Variants in SYNDIG1 observed in about 807,000 individuals in gnomAD.
The protein encoded by SYNDIG1 is synapse differentiation inducing 1.
A neutral mutation model predicts 19.4 loss-of-function variants in SYNDIG1; 9 were observed. The observed-to-expected ratio is 0.46, with a 90% CI of 0.28 to 0.81. SYNDIG1 has a LOEUF of 0.81. SYNDIG1 is among the 30% of genes least tolerant of loss of function. The pLI, the probability that SYNDIG1 is intolerant of heterozygous loss-of-function variation, is 0.12. For synonymous variants in SYNDIG1, 141 were observed against 145.9 expected, an observed-to-expected ratio of 0.97 and a Z score of 0.24; for missense variants, 311 against 343.3, an observed-to-expected ratio of 0.91 and a Z score of 0.74.
At chr20:24,537,093 A>G (rs1056925790) in intron 1 of SYNDIG1, among the ~76,000 whole-genome samples, 3 of 151,944 alleles carry the variant, frequency 2.0e-5, no homozygotes, top group Non-Finnish European at 2.9e-5. Flanking sequence ...CCACATGCCT[A>G]TTGCTTACTA....
chr20:24,525,189 G>A (rs1401025386), intron 1 of SYNDIG1, among the ~76,000 whole-genome samples: 1 of 151,380 alleles, frequency 6.6e-6, no homozygotes, highest in African/African-American at 2.4e-5. Flanking sequence ...AAATGAACGT[G>A]GTTTTTATTA....
intron 2 of SYNDIG1, among the ~76,000 whole-genome samples, chr20:24,580,154 C>A (rs1399062588): frequency 6.6e-6 from 1 of 152,196 alleles, no homozygotes; most frequent in African/African-American, 2.4e-5. Context: ...TTAAATGACT[C>A]ATGAAGAGGA....
chr20:24,535,981 T>C (rs2057354203), intron 1 of SYNDIG1, among the ~76,000 whole-genome samples: 1 of 152,224 alleles, frequency 6.6e-6, no homozygotes. Context: ...ACACACATGT[T>C]TGAGGATTCA....
chr20:24,594,650 A>G (rs190557159), intron 3 of SYNDIG1, among the ~76,000 whole-genome samples: 7 of 152,282 alleles, frequency 4.6e-5, no homozygotes, highest in Admixed American at 2.0e-4. Flanking sequence ...GATTCTTCCT[A>G]TCCATGAGCA....
chr20:24,569,213 A>G (rs1449524214), intron 2 of SYNDIG1, among the ~76,000 whole-genome samples: 1 of 152,206 alleles, frequency 6.6e-6, no homozygotes, highest in African/African-American at 2.4e-5. Flanking sequence ...GAATTTCTGT[A>G]TGTGACCAAA....
intron 1 of SYNDIG1, among the ~76,000 whole-genome samples, chr20:24,498,145 A>C (rs770686872): frequency 1.4e-4 from 21 of 152,252 alleles, no homozygotes; most frequent in Non-Finnish European, 2.8e-4. Flanking sequence ...ACTGACACAC[A>C]AAAAGCTGTG....
At chr20:24,586,478 A>G (rs2058419724) in intron 3 of SYNDIG1, among the ~76,000 whole-genome samples, 1 of 152,300 alleles carries the variant, frequency 6.6e-6, no homozygotes, top group East Asian at 1.9e-4. Flanking sequence ...TGGGACACAC[A>G]GGAGCTGGAG....
At chr20:24,476,021 C>T (rs1408499114) in intron 1 of SYNDIG1, among the ~76,000 whole-genome samples, 2 of 152,024 alleles carry the variant, frequency 1.3e-5, no homozygotes, top group South Asian at 2.1e-4. Context: ...CCACCATGCC[C>T]GGCTAATTTT....
Position 24,501,863 on chromosome 20 carries a change from C to T in SYNDIG1, c.-79+32110C>T, listed in dbSNP as rs142451209. On this transcript the variant is annotated intron_variant, in intron 1 of 3. Coordinates refer to ENST00000376862, the MANE Select transcript of SYNDIG1 (RefSeq NM_024893.3). ...GTGCCCCAGGTGTACCCACTGGGCA[C>T]TCACCTCTGCAGGCCCCGAGCTGCT... 1.0e-3 allele frequency among the ~76,000 whole-genome samples: 154 copies of T among 152,328 alleles called. 1 individual carries two copies. Among genetic ancestry groups the T allele is most frequent in the Middle Eastern group, 3.4e-3 (1 of 294 alleles).
intron 3 of SYNDIG1, among the ~76,000 whole-genome samples, chr20:24,603,492 A>C (rs1325206919): frequency 6.6e-6 from 1 of 152,168 alleles, no homozygotes; most frequent in Non-Finnish European, 1.5e-5. Context: ...AAGTGGAAAC[A>C]ATAATGACAG....
chr20:24,617,188 C>T (rs566578738), intron 3 of SYNDIG1, among the ~76,000 whole-genome samples: 2 of 152,272 alleles, frequency 1.3e-5, no homozygotes, highest in South Asian at 2.1e-4. Flanking sequence ...CAGCACGGGG[C>T]CTGCACCCCA....
intron 1 of SYNDIG1, among the ~76,000 whole-genome samples, chr20:24,502,860 G>T (rs760227048): frequency 2.6e-5 from 4 of 152,226 alleles, no homozygotes; most frequent in Non-Finnish European, 5.9e-5. Context: ...TTCATACAGT[G>T]CCTGCTGACG....
intron 3 of SYNDIG1, among the ~76,000 whole-genome samples, chr20:24,617,391 G>A (rs555963463): frequency 9.2e-5 from 14 of 152,234 alleles, no homozygotes; most frequent in Non-Finnish European, 1.6e-4. Flanking sequence ...ACATGGCACT[G>A]CTCTGAACCC....
At chr20:24,532,224 T>C (rs546154593) in intron 1 of SYNDIG1, among the ~76,000 whole-genome samples, 2 of 152,280 alleles carry the variant, frequency 1.3e-5, no homozygotes, top group South Asian at 4.2e-4. Flanking sequence ...AGCTAAAGGA[T>C]AGCAACCACC....
In SYNDIG1 at chr20:24,665,921, T is replaced by C; in HGVS notation, c.*417T>C. On this transcript the variant is annotated 3_prime_UTR_variant, in exon 4 of 4. Transcript: ENST00000376862. ...GGACAAGGGACACATCACTCTTCTG[T>C]CTGTGGCCCTGCTGGAGTCCTTTGT... The C allele has an allele frequency of 5.6e-6, 1 of 179,944 alleles. No homozygotes were observed. Among genetic ancestry groups the C allele is most frequent in the Non-Finnish European group, 1.1e-5 (1 of 87,376 alleles). 11.1% of individuals were successfully genotyped at this position (179,944 alleles called of 1,614,324 possible).
chr20:24,630,851 G>C (rs1239957893), intron 3 of SYNDIG1, among the ~76,000 whole-genome samples: 2 of 152,364 alleles, frequency 1.3e-5, no homozygotes, highest in Middle Eastern at 3.4e-3. Flanking sequence ...CTCTGAAGCA[G>C]TTGGTGGTGA....
chr20:24,600,499 C>T (rs1267748803), intron 3 of SYNDIG1, among the ~76,000 whole-genome samples: 1 of 152,154 alleles, frequency 6.6e-6, no homozygotes, highest in East Asian at 1.9e-4. Flanking sequence ...CCTCCCCACC[C>T]AGTGACCACT....
intron 2 of SYNDIG1, among the ~76,000 whole-genome samples, chr20:24,547,201 C>T (rs1043629320): frequency 6.6e-6 from 1 of 152,212 alleles, no homozygotes; most frequent in African/African-American, 2.4e-5. Context: ...CTTGCTGGAG[C>T]TCCTGGGCAC....
intron 3 of SYNDIG1, among the ~76,000 whole-genome samples, chr20:24,617,662 A>G (rs946200522): frequency 2.0e-5 from 3 of 151,924 alleles, no homozygotes; most frequent in African/African-American, 7.3e-5. Context: ...ATTTACCACA[A>G]GGAAGCCCCC....
Sources: gnomAD v4.1 joint callset for allele counts (sites outside exome capture counted in the v4.1 genomes callset) on GRCh38, gnomAD v4.1.1 for gene constraint, MANE v1.5 for transcripts, NCBI Gene and HGNC (gene_info 2026-07-23, HGNC 2026-07-21) for gene names.